Variants in CD44 observed in about 807,000 individuals in gnomAD.
CD44 encodes CD44 antigen.
Under a neutral mutation model 88.8 loss-of-function variants are expected in CD44, and 49 were observed. The observed-to-expected ratio is 0.55, with a 90% CI of 0.44 to 0.70. The LOEUF is 0.70. CD44 is among the 30% of genes least tolerant of loss of function. The probability of loss-of-function intolerance (pLI) is 0.00; values close to 1 mark genes in which losing one functional copy is unlikely to be tolerated. For synonymous variants in CD44, 325 were observed against 312.3 expected (o/e 1.04, Z -0.43); for missense variants, 883 against 913.8 (o/e 0.97, Z 0.43).
chr11:35,229,065 G>C (rs986890511), intron 17 of CD44, 64 bp from the exon 18 acceptor site: 163 of 1,297,370 alleles, frequency 1.3e-4, no homozygotes, highest in Non-Finnish European at 1.7e-4. Context: ...GCTCAGTAAG[G>C]ATGATGATCT....
chr11:35,189,815 G>C lies in CD44; in HGVS notation c.437-20G>C. ...AAATATGAGCTGTGAAGTTCTGTAA[G>C]TACCTTTTCTCTCTCCCAGCTATTG... On this transcript the variant is annotated intron_variant, in intron 4 of 17. Coordinates refer to ENST00000428726, the MANE Select transcript of CD44 (RefSeq NM_000610.4). The C allele has an allele frequency of 6.5e-7, 1 of 1,536,434 alleles. No homozygotes were observed. Among genetic ancestry groups the C allele is most frequent in the Non-Finnish European group, 9.0e-7 (1 of 1,112,638 alleles).
chr11:35,182,730 T>C (rs1490996104), intron 3 of CD44, among the ~76,000 whole-genome samples: 1 of 152,178 alleles, frequency 6.6e-6, no homozygotes, highest in Non-Finnish European at 1.5e-5. Context: ...GGTTGACTCA[T>C]TGGGAAAGGG....
chr11:35,207,342 T>C (rs1298937911), intron 11 of CD44, among the ~76,000 whole-genome samples: 1 of 152,238 alleles, frequency 6.6e-6, no homozygotes. Context: ...GGATAGACTT[T>C]GACTGAATTG....
At position 35,161,523 on chromosome 11, in the gene CD44, G is replaced by T. The variant is rs149486219; in HGVS notation, c.68-15052G>T. Reference sequence around the variant, plus strand: ...GTCAGGAGAGCCTTGCAAGCGTTCAGAGGGCTTGGGAGTGGACACATCACA... The same window carrying T: ...GTCAGGAGAGCCTTGCAAGCGTTCATAGGGCTTGGGAGTGGACACATCACA... On this transcript the variant is annotated intron_variant, in intron 1 of 17. Coordinates refer to ENST00000428726, the MANE Select transcript of CD44 (RefSeq NM_000610.4). Among the ~76,000 whole-genome samples the T allele has an allele frequency of 1.4e-3, 220 of 152,358 alleles. 2 individuals carry two copies. Among genetic ancestry groups the T allele is most frequent in the Non-Finnish European group, 2.9e-3 (197 of 68,034 alleles).
chr11:35,181,902 A>ATC (rs1565080510), intron 3 of CD44, among the ~76,000 whole-genome samples: 1 of 59,710 alleles, frequency 1.7e-5, no homozygotes, highest in Non-Finnish European at 2.9e-5. Context: ...ATAATATAAT[A>ATC]TATAATATAT....
At chr11:35,167,110 A>C (rs1241554839) in intron 1 of CD44, among the ~76,000 whole-genome samples, 1 of 152,248 alleles carries the variant, frequency 6.6e-6, no homozygotes, top group Admixed American at 6.5e-5. Flanking sequence ...AATGAAGAAG[A>C]AAATGACTTC....
intron 15 of CD44, chr11:35,219,088 G>C: frequency 1.9e-6 from 1 of 536,482 alleles, no homozygotes; most frequent in Non-Finnish European, 3.4e-6. Context: ...CTGCTGCTGA[G>C]AATTCTCATG....
In CD44 at chr11:35,139,321, G is replaced by T. The variant is rs868458611; in HGVS notation, c.18G>T (p.Trp6Cys). Residue 6 changes from tryptophan (W) to cysteine (C), a missense_variant, in exon 1 of 18, where the codon TGG (tryptophan) becomes TGT (cysteine). Trp to Cys is a radical substitution (Grantham distance 215). Transcript: ENST00000428726. MDKFW[W>C]HAAWGLCLVP... ...CGGACACCATGGACAAGTTTTGGTGGCACGCAGCCTGGGGACTCTGCCTCG... is the reference window on the plus strand; with the variant it reads ...CGGACACCATGGACAAGTTTTGGTGTCACGCAGCCTGGGGACTCTGCCTCG... The T allele has an allele frequency of 2.6e-6, 4 of 1,561,902 alleles. No individual in the cohort carries two copies. The Admixed American group carries it at 5.8e-5, about 23-fold the overall frequency.
intron 7 of CD44, among the ~76,000 whole-genome samples, chr11:35,198,797 T>C (rs1033273465): frequency 1.3e-5 from 2 of 151,924 alleles, no homozygotes; most frequent in African/African-American, 2.4e-5. Flanking sequence ...GCTAACACAG[T>C]GAAACCCCAT....
At chr11:35,206,350 C>T (rs1350413153) in intron 11 of CD44, 107 bp downstream of exon 11, 53 of 1,107,270 alleles carry the variant, frequency 4.8e-5, no homozygotes, top group Non-Finnish European at 6.6e-5. Flanking sequence ...AACTACTTTC[C>T]TGAAGGACCT....
intron 17 of CD44, among the ~76,000 whole-genome samples, chr11:35,226,648 A>C (rs942416480): frequency 1.7e-4 from 25 of 143,564 alleles, no homozygotes; most frequent in Non-Finnish European, 7.4e-5. Context: ...CAAGAATAAC[A>C]ATTATTTCCT....
chr11:35,208,067 G>T, intron 11 of CD44, 38 bp from the exon 12 acceptor site: 1 of 1,269,954 alleles, frequency 7.9e-7, no homozygotes, highest in Non-Finnish European at 1.2e-6. Context: ...GTAGTGGTTT[G>T]GGAAATCAAG....
intron 1 of CD44, 25 bp from the exon 2 acceptor site, chr11:35,176,550 C>T (rs1944488881): frequency 6.3e-7 from 1 of 1,594,716 alleles, no homozygotes; most frequent in East Asian, 2.2e-5. Flanking sequence ...GCAAAAGAAT[C>T]TAACATTTCT....
intron 17 of CD44, among the ~76,000 whole-genome samples, chr11:35,223,712 C>T (rs545877593): frequency 1.3e-5 from 2 of 152,176 alleles, no homozygotes; most frequent in African/African-American, 4.8e-5. Context: ...TAATTGAAAA[C>T]AGATTTGCCA....
chr11:35,177,509 G>C (rs984847485), intron 2 of CD44, among the ~76,000 whole-genome samples: 1 of 152,216 alleles, frequency 6.6e-6, no homozygotes, highest in Non-Finnish European at 1.5e-5. Flanking sequence ...CTCTGCAACT[G>C]CTCTGAAGTT....
intron 3 of CD44, among the ~76,000 whole-genome samples, chr11:35,181,894 A>AATATAAT (rs1260118155): frequency 2.8e-5 from 2 of 72,024 alleles, no homozygotes; most frequent in African/African-American, 1.3e-4. Context: ...TTCTATATAT[A>AATATAAT]ATATAATATA....
chr11:35,215,364 G>C (rs1207928972), intron 15 of CD44, among the ~76,000 whole-genome samples: 1 of 152,182 alleles, frequency 6.6e-6, no homozygotes, highest in Non-Finnish European at 1.5e-5. Flanking sequence ...TAAAGGGTCT[G>C]AGACAACATT....
chr11:35,226,593 TC>T (rs1949704431), intron 17 of CD44, among the ~76,000 whole-genome samples: 1 of 152,214 alleles, frequency 6.6e-6, no homozygotes, highest in Non-Finnish European at 1.5e-5. Context: ...CAGATACTGT[TC>T]TAAGTGTTAA....
Position 35,229,348 on chromosome 11 carries a change from T to A in CD44, c.*15T>A, listed in dbSNP as rs537145227. 1 of 1,553,606 alleles carries A rather than the reference T, an allele frequency of 6.4e-7. No homozygotes were observed. The highest frequency in any genetic ancestry group is 8.9e-7 in the Non-Finnish European group (1 of 1,126,884). ...TTGGGGTGTAACACCTACACCATTA[T>A]CTTGGAAAGAAACAACCGTTGGAAA... On this transcript the variant is annotated 3_prime_UTR_variant, in exon 18 of 18. Coordinates refer to ENST00000428726, the MANE Select transcript of CD44 (RefSeq NM_000610.4).
Sources: gnomAD v4.1 joint callset for allele counts (sites outside exome capture counted in the v4.1 genomes callset) on GRCh38, gnomAD v4.1.1 for gene constraint, MANE v1.5 for transcripts, NCBI Gene and HGNC (gene_info 2026-07-23, HGNC 2026-07-21) for gene names.